Variants in PHF24 observed in about 807,000 individuals in gnomAD.
The protein encoded by PHF24 is PHD finger protein 24.
PHF24 carries 25 observed loss-of-function variants against 42.6 expected under a neutral mutation model. That is an observed-to-expected ratio of 0.59 (90% confidence interval 0.43 to 0.82). The LOEUF (loss-of-function observed/expected upper bound fraction) is 0.82, where lower values mean the gene tolerates loss of function less well. Among genes scored for constraint, PHF24 ranks in the 40% least tolerant of loss-of-function variants. The probability of loss-of-function intolerance (pLI) is 0.00; values close to 1 mark genes in which losing one functional copy is unlikely to be tolerated. For synonymous variants in PHF24, 185 were observed against 204.8 expected (o/e 0.90, Z 0.83); for missense variants, 470 against 538.1 (o/e 0.87, Z 1.25).
the PHF24 span, among the ~76,000 whole-genome samples, chr9:34,863,838 G>A: frequency 6.6e-6 from 1 of 152,250 alleles, no homozygotes; most frequent in African/African-American, 2.4e-5. Context: ...ACAGAGATAT[G>A]TGATCTTTCA....
the PHF24 span, among the ~76,000 whole-genome samples, chr9:34,944,148 C>T: frequency 6.6e-6 from 1 of 152,316 alleles, no homozygotes; most frequent in African/African-American, 2.4e-5. Context: ...AAGAACCACC[C>T]TATTCTCTAG....
At chr9:34,947,492 G>T in the PHF24 span, among the ~76,000 whole-genome samples, 2 of 152,050 alleles carry the variant, frequency 1.3e-5, no homozygotes, top group African/African-American at 2.4e-5. Context: ...GACTGTTACT[G>T]GTTTATGTAT....
At chr9:34,799,287 T>C in the PHF24 span, among the ~76,000 whole-genome samples, 1 of 152,316 alleles carries the variant, frequency 6.6e-6, no homozygotes, top group African/African-American at 2.4e-5. Context: ...AGCGCTGCCA[T>C]TAAACCATAT....
the PHF24 span, among the ~76,000 whole-genome samples, chr9:34,775,135 A>G: frequency 6.6e-6 from 1 of 152,218 alleles, no homozygotes; most frequent in South Asian, 2.1e-4. Flanking sequence ...ACAATAACCA[A>G]AAGGTGGAAA....
the PHF24 span, chr9:34,922,217 G>T: frequency 6.3e-7 from 1 of 1,591,400 alleles, no homozygotes; most frequent in Non-Finnish European, 8.6e-7. Context: ...CTTCAGCTTT[G>T]TCTCCTCGGG....
the PHF24 span, among the ~76,000 whole-genome samples, chr9:34,854,250 G>A: frequency 7.7e-6 from 1 of 130,240 alleles, no homozygotes; most frequent in Non-Finnish European, 1.7e-5. Flanking sequence ...CTTTTTTGAA[G>A]AGTTTTTTTG....
At chr9:34,831,122 G>A in the PHF24 span, among the ~76,000 whole-genome samples, 1 of 152,306 alleles carries the variant, frequency 6.6e-6, no homozygotes, top group South Asian at 2.1e-4. Context: ...GACAGCCAAG[G>A]TGATTGGCTT....
chr9:34,671,006 A>G, the PHF24 span, among the ~76,000 whole-genome samples: 1 of 152,124 alleles, frequency 6.6e-6, no homozygotes, highest in African/African-American at 2.4e-5. Flanking sequence ...CATTCTTTGG[A>G]AGCAGGTTCA....
chr9:34,872,454 G>A, the PHF24 span, among the ~76,000 whole-genome samples: 2 of 149,352 alleles, frequency 1.3e-5, no homozygotes, highest in African/African-American at 4.9e-5. Flanking sequence ...AGAATATGCG[G>A]TGTCTGGTTT....
the PHF24 span, among the ~76,000 whole-genome samples, chr9:34,940,831 TAA>T: frequency 2.6e-5 from 4 of 152,234 alleles, no homozygotes; most frequent in African/African-American, 9.6e-5. Flanking sequence ...TCCCACTGTG[TAA>T]AAGCAGCCTT....
At chr9:34,833,522 T>C in the PHF24 span, 3 of 1,551,562 alleles carry the variant, frequency 1.9e-6, no homozygotes, top group East Asian at 7.3e-5. Flanking sequence ...AAGAGACTTC[T>C]GTGTGGATAT....
the PHF24 span, chr9:34,833,009 C>T: frequency 1.1e-5 from 17 of 1,551,506 alleles, no homozygotes; most frequent in East Asian, 7.3e-5. Flanking sequence ...ACGGCTCCAT[C>T]GCCAGGACCC....
At chr9:34,725,756 G>A in the PHF24 span, 14 of 1,549,728 alleles carry the variant, frequency 9.0e-6, no homozygotes, top group Non-Finnish European at 1.0e-5. Flanking sequence ...CCAGTTTGGG[G>A]AAAGTGGGGA....
the PHF24 span, among the ~76,000 whole-genome samples, chr9:34,701,431 C>T: frequency 6.6e-6 from 1 of 152,164 alleles, no homozygotes; most frequent in African/African-American, 2.4e-5. This position sits in a 1 kb window ranked among gnomAD's most constrained non-coding sequence, Gnocchi z 5.8. Flanking sequence ...GCCCATGCAT[C>T]TCCCTTCCTG....
chr9:34,873,564 A>G, the PHF24 span, among the ~76,000 whole-genome samples: 1 of 151,928 alleles, frequency 6.6e-6, no homozygotes, highest in Non-Finnish European at 1.5e-5. Flanking sequence ...ATTGATCTAT[A>G]TCTCTGTTTT....
chr9:34,724,991 G>C, the PHF24 span: 1 of 1,552,030 alleles, frequency 6.4e-7, no homozygotes, highest in East Asian at 2.4e-5. Context: ...ACCTGGTAAA[G>C]CCTGTTGCTG....
the PHF24 span, among the ~76,000 whole-genome samples, chr9:34,945,334 A>G: frequency 6.6e-6 from 1 of 152,232 alleles, no homozygotes; most frequent in Non-Finnish European, 1.5e-5. Context: ...GATTAGATAC[A>G]CAAGAGCTTT....
the PHF24 span, among the ~76,000 whole-genome samples, chr9:34,747,423 G>GA: frequency 6.6e-6 from 1 of 151,240 alleles, no homozygotes; most frequent in African/African-American, 2.4e-5. Context: ...CTCTTAAAAA[G>GA]AAAAAAAAGT....
chr9:34,689,796 G>A, the PHF24 span: 1 of 1,614,034 alleles, frequency 6.2e-7, no homozygotes, highest in Non-Finnish European at 8.5e-7. This position sits in a 1 kb window ranked among gnomAD's most constrained non-coding sequence, Gnocchi z 4.1. Flanking sequence ...TCGGACTCCG[G>A]GCTCCCTCTG....
Sources: allele counts gnomAD v4.1 joint callset (sites outside exome capture counted in the v4.1 genomes callset), GRCh38; gene constraint gnomAD v4.1.1; non-coding constraint Gnocchi (gnomAD v3.1); transcripts MANE v1.5; gene names NCBI Gene and HGNC (gene_info 2026-07-23, HGNC 2026-07-21).